The following DOCK2 variants were observed in gnomAD, a reference collection of about 807,000 sequenced individuals.
DOCK2 encodes the protein dedicator of cytokinesis protein 2.
DOCK2 carries 87 observed loss-of-function variants against 248.9 expected under a neutral mutation model. That is an observed-to-expected ratio of 0.35 (90% CI 0.29 to 0.42). The LOEUF (loss-of-function observed/expected upper bound fraction) is 0.42. Among genes scored for constraint, DOCK2 ranks in the 10% least tolerant of loss-of-function variants. The pLI, the probability that DOCK2 is intolerant of heterozygous loss-of-function variation, is 1.00. For missense variants in DOCK2, 1,747 were observed against 2,300.2 expected, an observed-to-expected ratio of 0.76 and a Z score of 4.92; for synonymous variants, 805 against 821.6, an observed-to-expected ratio of 0.98 and a Z score of 0.35.
At chr5:169,841,370 T>C (rs1581269037) in intron 27 of DOCK2, 2 of 987,434 alleles carry the variant, frequency 2.0e-6, no homozygotes, top group South Asian at 9.3e-5. Flanking sequence ...TTCTGCCCCG[T>C]CATCTGATTA....
chr5:169,960,136 A>G (rs969102515), intron 27 of DOCK2, among the ~76,000 whole-genome samples: 1 of 152,288 alleles, frequency 6.6e-6, no homozygotes, highest in East Asian at 1.9e-4. Context: ...GGCAAGGTCT[A>G]CCCTGCCTCT....
At chr5:169,773,424 A>G (rs1581168689) in intron 25 of DOCK2, among the ~76,000 whole-genome samples, 1 of 150,720 alleles carries the variant, frequency 6.6e-6, no homozygotes. Flanking sequence ...TTTAATAGCA[A>G]TGTAAATAAA....
At chr5:170,077,658 G>A (rs990864795) in intron 47 of DOCK2, 52 bp from the exon 48 acceptor site, 5 of 1,604,560 alleles carry the variant, frequency 3.1e-6, no homozygotes, top group Non-Finnish European at 4.3e-6. Flanking sequence ...AGGAAGGCTG[G>A]GGCCACCTTC....
chr5:169,999,006 A>T (rs1242465740), intron 30 of DOCK2, among the ~76,000 whole-genome samples: 2 of 152,196 alleles, frequency 1.3e-5, no homozygotes, highest in African/African-American at 2.4e-5. Context: ...TTTGGTCCAT[A>T]TAACTGCGAG....
intron 33 of DOCK2, among the ~76,000 whole-genome samples, chr5:170,021,326 C>T (rs575638963): frequency 6.6e-5 from 10 of 152,336 alleles, no homozygotes; most frequent in South Asian, 2.1e-4. Context: ...CGCCATGAGA[C>T]GAAGGGCAGT....
intron 44 of DOCK2, among the ~76,000 whole-genome samples, chr5:170,065,992 C>T (rs1757479713): frequency 6.9e-6 from 1 of 144,902 alleles, no homozygotes; most frequent in Admixed American, 6.9e-5. Context: ...CGCTCTGTCG[C>T]CGAGGCTGGA....
At chr5:169,787,743 TTC>T (rs1405025493) in intron 25 of DOCK2, among the ~76,000 whole-genome samples, 1 of 150,808 alleles carries the variant, frequency 6.6e-6, no homozygotes, top group Non-Finnish European at 1.5e-5. Context: ...TGTGTCTGTC[TTC>T]TCTTTCTTTG....
chr5:169,842,224 G>A (rs550288684), intron 27 of DOCK2, among the ~76,000 whole-genome samples: 9 of 152,346 alleles, frequency 5.9e-5, no homozygotes, highest in South Asian at 4.1e-4. Flanking sequence ...GCTTTACACA[G>A]TGGTGACATC....
At chr5:169,870,909 C>T (rs1771925574) in intron 27 of DOCK2, among the ~76,000 whole-genome samples, 1 of 152,084 alleles carries the variant, frequency 6.6e-6, no homozygotes, top group South Asian at 2.1e-4. Context: ...CTTATACATA[C>T]ATACATACAC....
intron 22 of DOCK2, among the ~76,000 whole-genome samples, chr5:169,739,322 G>A (rs1763193073): frequency 6.6e-6 from 1 of 152,160 alleles, no homozygotes; most frequent in South Asian, 2.1e-4. Context: ...GAGGGAAAAT[G>A]GCCTCTAGTT....
chr5:169,992,775 T>TAA (rs11391142), intron 29 of DOCK2, among the ~76,000 whole-genome samples: 333 of 150,148 alleles, frequency 2.2e-3, no homozygotes, highest in South Asian at 0.013. Context: ...TTACTGTTTT[T>TAA]AAAAAAAAAA....
intron 2 of DOCK2, among the ~76,000 whole-genome samples, chr5:169,662,989 A>G (rs1214652005): frequency 2.0e-5 from 3 of 152,240 alleles, no homozygotes; most frequent in Admixed American, 2.0e-4. Context: ...GAGACAAGGC[A>G]AGTTCCTTCC....
At chr5:169,752,910 C>CA (rs1446734015) in intron 23 of DOCK2, among the ~76,000 whole-genome samples, 2 of 151,968 alleles carry the variant, frequency 1.3e-5, no homozygotes, top group Admixed American at 1.3e-4. Context: ...ACTAAAAATA[C>CA]AAAAATTAGC....
chr5:169,903,543 C>T (rs113714072), intron 27 of DOCK2, among the ~76,000 whole-genome samples: 25 of 132,902 alleles, frequency 1.9e-4, no homozygotes, highest in African/African-American at 6.6e-4. Context: ...GGGCAGGGGG[C>T]GTTCGGGTGG....
chr5:169,930,644 G>A (rs1450714733), intron 27 of DOCK2, among the ~76,000 whole-genome samples: 2 of 152,134 alleles, frequency 1.3e-5, no homozygotes, highest in Admixed American at 6.5e-5. Flanking sequence ...GATGAGCTGC[G>A]GCTGACAGGG....
chr5:169,748,417 A>G (rs1763727551), intron 23 of DOCK2, among the ~76,000 whole-genome samples: 1 of 152,152 alleles, frequency 6.6e-6, no homozygotes, highest in African/African-American at 2.4e-5. Flanking sequence ...CCGACTTTCT[A>G]ATTTAATTGG....
chr5:169,854,001 A>G (rs1169353393), intron 27 of DOCK2, among the ~76,000 whole-genome samples: 1 of 150,400 alleles, frequency 6.6e-6, no homozygotes, highest in Non-Finnish European at 1.5e-5. Flanking sequence ...ATGCTGGGCT[A>G]ATTTTTTGTG....
At chr5:170,034,234 T>A (rs1756242173) in intron 34 of DOCK2, among the ~76,000 whole-genome samples, 165 bp from the exon 35 acceptor site, 2 of 148,356 alleles carry the variant, frequency 1.3e-5, no homozygotes, top group Non-Finnish European at 1.5e-5. Context: ...AGAAAAAAAA[T>A]TGCTGCACTA....
intron 2 of DOCK2, among the ~76,000 whole-genome samples, chr5:169,657,384 G>A (rs2113202018): frequency 6.6e-6 from 1 of 152,328 alleles, no homozygotes; most frequent in Non-Finnish European, 1.5e-5. Context: ...GAAAGAATAT[G>A]GGTGTACCCG....
Sources: gnomAD v4.1 joint callset for allele counts (sites outside exome capture counted in the v4.1 genomes callset) on GRCh38, gnomAD v4.1.1 for gene constraint, MANE v1.5 for transcripts, NCBI Gene and HGNC (gene_info 2026-07-23, HGNC 2026-07-21) for gene names.